UTRN: variants seen among roughly 807,000 people sequenced by gnomAD.
UTRN encodes the protein dystrophin-related protein 1.
Under a neutral mutation model 463.9 loss-of-function variants are expected in UTRN, and 283 were observed. That is an observed-to-expected ratio of 0.61 (90% CI 0.55 to 0.67). The LOEUF is 0.67. Ranked by LOEUF, UTRN falls within the 30% of genes least tolerant of loss-of-function variation. The pLI is 0.00. For missense variants in UTRN, 3,922 were observed against 4,084.3 expected, an observed-to-expected ratio of 0.96 and a Z score of 1.08; for synonymous variants, 1,442 against 1,431.5, an observed-to-expected ratio of 1.01 and a Z score of -0.17.
chr6:144,391,103 G>C (rs1369679072), intron 2 of UTRN, among the ~76,000 whole-genome samples: 1 of 151,244 alleles, frequency 6.6e-6, no homozygotes, highest in Non-Finnish European at 1.5e-5. Context: ...ACAAGGTCTT[G>C]CTCAGTCACC....
intron 60 of UTRN, among the ~76,000 whole-genome samples, chr6:144,778,257 T>TG (rs1445219369): frequency 2.0e-5 from 3 of 152,054 alleles, no homozygotes; most frequent in Non-Finnish European, 4.4e-5. Flanking sequence ...AACTGATGAC[T>TG]CGGGGTATTG....
rs868121999 is a variant in UTRN, at chr6:144,835,908, G to A, written c.9794G>A (p.Arg3265Lys). ...AGGGAAGAACGTGGAGAACTGGAGA[G>A]GATCATTGCTGACCTGGAGGAAGAA... Reference protein sequence around the residue: ...VEREERGELERIIADLEEEQR... With the variant: ...VEREERGELEKIIADLEEEQR... The change falls in exon 70 of 75, where the codon AGG becomes AAG. Residue 3265 changes from arginine (R) to lysine (K), a missense_variant. Physicochemically the swap from Arg to Lys is conservative, Grantham distance 26. This residue lies in a region of UTRN where 1,309 missense variants were observed against 1,452.6 expected (regional missense o/e 0.90). Coordinates refer to ENST00000367545, the MANE Select transcript of UTRN (RefSeq NM_007124.3). The A allele has an allele frequency of 6.8e-6, 11 of 1,614,104 alleles. 1 individual carries two copies. The Middle Eastern group carries it at 1.7e-3, about 242-fold the overall frequency.
chr6:144,287,230 T>A (rs1803776415), intron 1 of UTRN, among the ~76,000 whole-genome samples: 1 of 152,074 alleles, frequency 6.6e-6, no homozygotes, highest in South Asian at 2.1e-4. Context: ...GTGGAACCAT[T>A]CCCCGCCCCT....
chr6:144,444,163 A>T, intron 13 of UTRN, 118 bp from the exon 14 acceptor site: 1 of 783,776 alleles, frequency 1.3e-6, no homozygotes, highest in Non-Finnish European at 1.9e-6. Context: ...TTATAAAAAT[A>T]CTTTTTATAA....
chr6:144,804,601 G>A (rs929533873), intron 65 of UTRN, among the ~76,000 whole-genome samples: 53 of 152,300 alleles, frequency 3.5e-4, no homozygotes, highest in African/African-American at 1.3e-3. Flanking sequence ...AGGCAAGGAA[G>A]TGAAAAATGA....
chr6:144,834,041 G>C (rs919886791), intron 69 of UTRN, among the ~76,000 whole-genome samples: 1 of 152,148 alleles, frequency 6.6e-6, no homozygotes, highest in South Asian at 2.1e-4. Flanking sequence ...TCTTGCAGAG[G>C]TTCCTTCATT....
intron 3 of UTRN, among the ~76,000 whole-genome samples, chr6:144,415,963 G>A (rs1784325237): frequency 6.6e-6 from 1 of 152,042 alleles, no homozygotes; most frequent in South Asian, 2.1e-4. Context: ...TGACTCCTTT[G>A]TTTTTGGCCT....
intron 17 of UTRN, among the ~76,000 whole-genome samples, chr6:144,450,980 G>C (rs1788225755): frequency 6.6e-6 from 1 of 152,222 alleles, no homozygotes; most frequent in East Asian, 1.9e-4. Context: ...GGGTGTGGTG[G>C]TGGGCACCTA....
intron 54 of UTRN, among the ~76,000 whole-genome samples, chr6:144,732,249 T>TATATATAC (rs1554359996): frequency 1.7e-5 from 2 of 116,858 alleles, no homozygotes; most frequent in Admixed American, 1.0e-4. Flanking sequence ...CATATATATA[T>TATATATAC]ATATATATAC....
At chr6:144,781,849 C>A in intron 60 of UTRN, 73 bp from the exon 61 acceptor site, 2 of 1,143,158 alleles carry the variant, frequency 1.7e-6, no homozygotes, top group Middle Eastern at 2.3e-4. Context: ...CTAGAAATGC[C>A]TTTGTTGTGA....
At chr6:144,482,444 T>TTA in intron 27 of UTRN, 56 bp downstream of exon 27, 1 of 963,786 alleles carries the variant, frequency 1.0e-6, no homozygotes, top group East Asian at 4.1e-5. Context: ...TATTATTATT[T>TTA]TCAGTGATGT....
chr6:144,290,752 CTTTTTTTTTT>C (rs200477118), intron 1 of UTRN, among the ~76,000 whole-genome samples: 2 of 99,140 alleles, frequency 2.0e-5, no homozygotes, highest in Admixed American at 1.1e-4. Flanking sequence ...CCACAATCGT[CTTTTTTTTTT>C]TTTTTTTTTT....
intron 63 of UTRN, among the ~76,000 whole-genome samples, chr6:144,797,074 A>G (rs1298904786): frequency 6.6e-6 from 1 of 152,160 alleles, no homozygotes; most frequent in Non-Finnish European, 1.5e-5. Flanking sequence ...TGATGATATA[A>G]TGGGACTAGA....
At chr6:144,614,930 T>G (rs969205564) in intron 51 of UTRN, among the ~76,000 whole-genome samples, 2 of 152,148 alleles carry the variant, frequency 1.3e-5, no homozygotes, top group Non-Finnish European at 2.9e-5. Flanking sequence ...TATATGAACC[T>G]TTAAGAAACC....
rs1787012512 is a variant in UTRN at position 144,440,223 on chromosome 6, A to C, written c.1393-129A>C. On this transcript the variant is annotated intron_variant, in intron 12 of 74. Transcript: ENST00000367545. ...GATTAGTTTCATTAGTAGAACAGTT[A>C]GGGTAATGATTGGAAATTTAAATAT... The C allele has an allele frequency of 6.3e-5, 56 of 886,286 alleles. No homozygotes were observed. In the East Asian group the frequency reaches 1.5e-3, roughly 23 times the overall value. The allele number at this position is 886,286 out of a possible 1,614,324, so 54.9% of individuals were successfully genotyped here.
In UTRN at chr6:144,821,161, A is replaced by C. The variant is rs1317532577; in HGVS notation, c.9494+143A>C. The C allele has an allele frequency of 2.8e-6, 3 of 1,087,676 alleles. No individual in the cohort carries two copies. The African/African-American group carries it at 4.8e-5, about 18-fold the overall frequency. 67.4% of individuals were successfully genotyped at this position (1,087,676 alleles called of 1,614,324 possible). A position where few individuals can be genotyped will look rare whatever the true frequency, so the allele number is the denominator to read the frequency against. On this transcript the variant is annotated intron_variant, in intron 66 of 74. Coordinates refer to ENST00000367545, the MANE Select transcript of UTRN (RefSeq NM_007124.3). The stretch of plus-strand genomic sequence containing the variant: ...TAAACTTGGAATCAGTCTTCACAAC[A>C]TGAATTTTTACAATTCACTTTTGAC...
At chr6:144,799,915 G>T (rs1158014711) in intron 64 of UTRN, among the ~76,000 whole-genome samples, 5 of 152,182 alleles carry the variant, frequency 3.3e-5, no homozygotes, top group Non-Finnish European at 7.3e-5. Context: ...AGGAGAGAGA[G>T]ATTTAATATT....
chr6:144,780,735 C>A (rs1030319331), intron 60 of UTRN, among the ~76,000 whole-genome samples: 3 of 152,190 alleles, frequency 2.0e-5, no homozygotes, highest in Non-Finnish European at 2.9e-5. Context: ...CTGGACCATG[C>A]ATTTCTCCTG....
chr6:144,603,875 G>A (rs1006083349), intron 51 of UTRN, among the ~76,000 whole-genome samples: 1 of 152,136 alleles, frequency 6.6e-6, no homozygotes, highest in African/African-American at 2.4e-5. Context: ...TTCAGAAATG[G>A]TCTAGTCAAC....
Sources: gnomAD v4.1 joint callset for allele counts (sites outside exome capture counted in the v4.1 genomes callset) on GRCh38, gnomAD v4.1.1 for gene constraint, gnomAD v4.1.1 regional missense constraint, MANE v1.5 for transcripts, NCBI Gene and HGNC (gene_info 2026-07-23, HGNC 2026-07-21) for gene names.